ESRRG: variants seen among roughly 807,000 people sequenced by gnomAD.
ESRRG encodes estrogen-related receptor gamma.
In ESRRG, 13 loss-of-function variants were observed where a neutral mutation model predicts 44.0. That is an observed-to-expected ratio of 0.30 (90% confidence interval 0.19 to 0.47). The LOEUF (loss-of-function observed/expected upper bound fraction) is 0.47, where lower values mean the gene tolerates loss of function less well. ESRRG is among the 20% of genes least tolerant of loss of function. The pLI, the probability that ESRRG is intolerant of heterozygous loss-of-function variation, is 1.00. For missense variants in ESRRG, 395 were observed against 580.6 expected, an observed-to-expected ratio of 0.68 and a Z score of 3.29; for synonymous variants, 215 against 214.6, an observed-to-expected ratio of 1.00 and a Z score of -0.02.
At chr1:216,980,539 G>A (rs916755477) in intron 1 of ESRRG, among the ~76,000 whole-genome samples, 1 of 152,012 alleles carries the variant, frequency 6.6e-6, no homozygotes, top group African/African-American at 2.4e-5. Context: ...TAGTAAGTCC[G>A]TGGGACCTCT....
At chr1:216,572,498 ATACTG>A (rs1176072805) in intron 3 of ESRRG, among the ~76,000 whole-genome samples, 1 of 152,134 alleles carries the variant, frequency 6.6e-6, no homozygotes, top group African/African-American at 2.4e-5. Context: ...AGATAAAACA[ATACTG>A]TATAGATATC....
intron 2 of ESRRG, among the ~76,000 whole-genome samples, chr1:216,860,078 A>G (rs2096022165): frequency 6.6e-6 from 1 of 152,182 alleles, no homozygotes; most frequent in African/African-American, 2.4e-5. Context: ...AGCCTGGCCA[A>G]CAGGGTGAAA....
At chr1:216,828,920 A>G (rs2095441060) in intron 2 of ESRRG, among the ~76,000 whole-genome samples, 1 of 151,998 alleles carries the variant, frequency 6.6e-6, no homozygotes, top group Admixed American at 6.6e-5. Flanking sequence ...TTGTCAACCC[A>G]CTCATGTCTC....
At chr1:216,704,585 A>T (rs1167615184) in intron 1 of ESRRG, among the ~76,000 whole-genome samples, 1 of 152,172 alleles carries the variant, frequency 6.6e-6, no homozygotes, top group African/African-American at 2.4e-5. Flanking sequence ...AAAACATCAC[A>T]TGCCTTTCTG....
intron 1 of ESRRG, among the ~76,000 whole-genome samples, chr1:217,084,716 A>C (rs1181699435): frequency 6.6e-6 from 1 of 152,166 alleles, no homozygotes; most frequent in Admixed American, 6.5e-5. Flanking sequence ...CATCCTTTTA[A>C]GTGTCCAGGT....
intron 2 of ESRRG, among the ~76,000 whole-genome samples, chr1:216,895,630 CAGTCTT>C: frequency 6.6e-6 from 1 of 152,272 alleles, no homozygotes; most frequent in Non-Finnish European, 1.5e-5. Flanking sequence ...ACTCTGGAAA[CAGTCTT>C]AGAGTCAACT....
At chr1:217,136,455 G>A (rs1276262102) in intron 1 of ESRRG, among the ~76,000 whole-genome samples, 4 of 152,148 alleles carry the variant, frequency 2.6e-5, no homozygotes, top group Middle Eastern at 3.2e-3. Context: ...GCAAACGCGG[G>A]CACCCGGGTC....
At chr1:216,844,280 G>T (rs765411452) in intron 2 of ESRRG, among the ~76,000 whole-genome samples, 17 of 152,042 alleles carry the variant, frequency 1.1e-4, no homozygotes, top group Middle Eastern at 6.3e-3. Context: ...AACTAAATAG[G>T]TGGGTATTGT....
chr1:216,514,803 A>C (rs940993459), intron 6 of ESRRG, among the ~76,000 whole-genome samples: 2 of 152,200 alleles, frequency 1.3e-5, no homozygotes, highest in African/African-American at 4.8e-5. Flanking sequence ...GGAATCAAAT[A>C]AGATTCCCTA....
At chr1:216,684,075 A>C (rs1368354547) in intron 1 of ESRRG, among the ~76,000 whole-genome samples, 1 of 152,166 alleles carries the variant, frequency 6.6e-6, no homozygotes, top group Non-Finnish European at 1.5e-5. Flanking sequence ...CGACTAAACT[A>C]ATTAGGACTA....
intron 1 of ESRRG, among the ~76,000 whole-genome samples, chr1:217,029,059 TA>T (rs5780956): frequency 0.84 from 125,136 of 149,782 alleles, 52,662 homozygotes; most frequent in African/African-American, 0.96. Flanking sequence ...CTGAAAAACT[TA>T]AAAAAAAAAA....
At chr1:216,654,793 T>G (rs909055505) in intron 2 of ESRRG, among the ~76,000 whole-genome samples, 12 of 152,050 alleles carry the variant, frequency 7.9e-5, no homozygotes, top group African/African-American at 2.7e-4. Flanking sequence ...GGAAATTATA[T>G]GTACAGGAAA....
intron 2 of ESRRG, among the ~76,000 whole-genome samples, chr1:216,913,811 C>A (rs757437545): frequency 6.6e-6 from 1 of 152,070 alleles, no homozygotes; most frequent in Non-Finnish European, 1.5e-5. Context: ...AATTATAAAC[C>A]TTGAGGAAGC....
At chr1:216,912,995 T>C (rs966769602) in intron 2 of ESRRG, among the ~76,000 whole-genome samples, 5 of 151,312 alleles carry the variant, frequency 3.3e-5, no homozygotes, top group Admixed American at 2.6e-4. Flanking sequence ...TGGTGACATA[T>C]GCCTGTAATC....
intron 5 of ESRRG, among the ~76,000 whole-genome samples, chr1:216,560,696 A>T (rs1305684062): frequency 6.6e-6 from 1 of 152,202 alleles, no homozygotes; most frequent in African/African-American, 2.4e-5. Context: ...TTGGCAACCC[A>T]TTCGAAAAAA....
At chr1:216,839,636 A>G (rs534383773) in intron 2 of ESRRG, among the ~76,000 whole-genome samples, 4 of 152,328 alleles carry the variant, frequency 2.6e-5, no homozygotes, top group Admixed American at 6.5e-5. Flanking sequence ...GATGTTGTGT[A>G]TATGAATGAA....
At chr1:216,763,221 A>G (rs1378018471) in intron 2 of ESRRG, among the ~76,000 whole-genome samples, 1 of 152,046 alleles carries the variant, frequency 6.6e-6, no homozygotes, top group Non-Finnish European at 1.5e-5. Flanking sequence ...TTCATATAAT[A>G]TTTAATAAAA....
intron 3 of ESRRG, among the ~76,000 whole-genome samples, chr1:216,596,017 C>G (rs1219096972): frequency 1.3e-5 from 2 of 152,200 alleles, no homozygotes; most frequent in East Asian, 3.9e-4. Context: ...GCAGCAAATT[C>G]ATTTACTCTG....
chr1:216,882,544 T>A (rs1015329645), intron 2 of ESRRG, among the ~76,000 whole-genome samples: 3 of 152,104 alleles, frequency 2.0e-5, no homozygotes, highest in Non-Finnish European at 2.9e-5. Flanking sequence ...ACCATCAAAA[T>A]GGAAAGTGCA....
Sources: allele counts gnomAD v4.1 joint callset (sites outside exome capture counted in the v4.1 genomes callset), GRCh38; gene constraint gnomAD v4.1.1; transcripts MANE v1.5; gene names NCBI Gene and HGNC (gene_info 2026-07-23, HGNC 2026-07-21).